BRAF: variants seen among roughly 807,000 people sequenced by gnomAD.
BRAF encodes the protein serine/threonine-protein kinase B-raf.
BRAF carries 16 observed loss-of-function variants against 104.6 expected under a neutral mutation model. That is an observed-to-expected ratio of 0.15 (90% CI 0.10 to 0.23). The LOEUF (loss-of-function observed/expected upper bound fraction) is 0.23, where lower values mean the gene tolerates loss of function less well. BRAF is among the 10% of genes least tolerant of loss of function. The pLI is 1.00. For synonymous variants in BRAF, 310 were observed against 341.6 expected (o/e 0.91, Z 1.02); for missense variants, 541 against 937.3 (o/e 0.58, Z 5.52).
intron 5 of BRAF, among the ~76,000 whole-genome samples, chr7:140,803,199 T>A (rs1245249587): frequency 6.6e-6 from 1 of 152,210 alleles, no homozygotes; most frequent in Non-Finnish European, 1.5e-5. Flanking sequence ...TTGATGCATT[T>A]CTCAGAACAT....
At chr7:140,879,174 G>A (rs1812595400) in intron 1 of BRAF, among the ~76,000 whole-genome samples, 1 of 151,794 alleles carries the variant, frequency 6.6e-6, no homozygotes, top group African/African-American at 2.4e-5. Context: ...CACCACGCCT[G>A]GCCATAATTT....
At chr7:140,767,335 T>C (rs1330035373) in intron 14 of BRAF, among the ~76,000 whole-genome samples, 3 of 151,744 alleles carry the variant, frequency 2.0e-5, no homozygotes, top group Non-Finnish European at 4.4e-5. Flanking sequence ...GAAAATTCAG[T>C]AGGAAAGGAA....
rs1429522839 is a variant in BRAF at position 140,782,960 on chromosome 7, A to C, written c.1434+61T>G. 7 of 1,569,720 alleles carry C rather than the reference A, an allele frequency of 4.5e-6. No individual in the cohort carries two copies. In the Admixed American group the frequency reaches 1.2e-4, roughly 26 times the overall value. ...TAATATATCTAAAGGATAATATTAC[A>C]TTTGGCTGTGACTTCTAAGAAGAAA... On this transcript the variant is annotated intron_variant, in intron 11 of 19. Coordinates refer to ENST00000644969, the MANE Select transcript of BRAF (RefSeq NM_001374258.1).
At chr7:140,799,779 G>C (rs934204703) in intron 7 of BRAF, 19 of 236,762 alleles carry the variant, frequency 8.0e-5, no homozygotes, top group African/African-American at 4.2e-4. Flanking sequence ...ATAAATTGTA[G>C]ATTATAATTA....
chr7:140,905,791 T>C (rs1157344430), intron 1 of BRAF, among the ~76,000 whole-genome samples: 3 of 152,172 alleles, frequency 2.0e-5, no homozygotes, highest in Non-Finnish European at 4.4e-5. Flanking sequence ...GAAGATAACT[T>C]AGAAATTAAA....
chr7:140,906,339 C>G (rs2129134722), intron 1 of BRAF, among the ~76,000 whole-genome samples: 1 of 152,016 alleles, frequency 6.6e-6, no homozygotes, highest in Middle Eastern at 3.4e-3. Context: ...GTAGCTGGGG[C>G]TATGGGCATG....
chr7:140,817,590 A>G lies in BRAF; in HGVS notation c.505-8595T>C, dbSNP rs1805010351. The stretch of plus-strand genomic sequence containing the variant: ...AAAACAGCATGGTACTGGCATAAAA[A>G]CAGACATATAGACCAATGGAACAGA... On this transcript the variant is annotated intron_variant, in intron 3 of 19. Coordinates refer to ENST00000644969, the MANE Select transcript of BRAF (RefSeq NM_001374258.1). Among the ~76,000 whole-genome samples, 3 of 152,242 alleles carry G rather than the reference A, an allele frequency of 2.0e-5. 1 individual carries two copies. The highest frequency in any genetic ancestry group is 4.4e-5 in the Non-Finnish European group (3 of 68,046).
chr7:140,800,270 T>C (rs2129043487), intron 7 of BRAF, 92 bp downstream of exon 7: 1 of 1,588,092 alleles, frequency 6.3e-7, no homozygotes, highest in East Asian at 2.2e-5. Flanking sequence ...AATTTAACAA[T>C]TTAAACATTG....
intron 17 of BRAF, among the ~76,000 whole-genome samples, chr7:140,742,438 C>G (rs2130914530): frequency 6.6e-6 from 1 of 152,126 alleles, no homozygotes; most frequent in East Asian, 1.9e-4. Flanking sequence ...AAGTGATCCA[C>G]CCGCCTCAGC....
At chr7:140,867,945 T>C (rs1231207842) in intron 1 of BRAF, among the ~76,000 whole-genome samples, 1 of 152,144 alleles carries the variant, frequency 6.6e-6, no homozygotes, top group Non-Finnish European at 1.5e-5. Flanking sequence ...AAGAGAAGCT[T>C]AAAATGCAAA....
chr7:140,837,977 T>C (rs1331321107), intron 2 of BRAF, among the ~76,000 whole-genome samples: 1 of 152,166 alleles, frequency 6.6e-6, no homozygotes, highest in African/African-American at 2.4e-5. Flanking sequence ...TTTTCTCTCA[T>C]ATCATCTACT....
chr7:140,919,277 C>G (rs78447313), intron 1 of BRAF, among the ~76,000 whole-genome samples: 2,657 of 152,186 alleles, frequency 0.017, 80 homozygotes, highest in African/African-American at 0.06. Flanking sequence ...TCAGGAACTG[C>G]AGCTACATTA....
At chr7:140,773,290 T>G (rs909363454) in intron 14 of BRAF, 3 of 152,228 alleles carry the variant, frequency 2.0e-5, no homozygotes, top group Middle Eastern at 3.2e-3. Context: ...GCTTTAAGCA[T>G]ACAGATGGGC....
In BRAF at chr7:140,723,035, C is replaced by G. The variant is rs1018133962; in HGVS notation, c.*3459G>C. ...TCATGTTCTAGAGCTCCTGACTTTT[C>G]ATATTTTAAAATAAATAACTATTCA... On this transcript the variant is annotated 3_prime_UTR_variant, in exon 20 of 20. Transcript: ENST00000644969. 2 of 1,051,796 alleles carry G rather than the reference C, an allele frequency of 1.9e-6. No homozygotes were observed. The highest frequency in any genetic ancestry group is 2.3e-6 in the Non-Finnish European group (2 of 870,850). The allele number at this position is 1,051,796 out of a possible 1,614,324, so 65.2% of individuals were successfully genotyped here. A position where few individuals can be genotyped will look rare whatever the true frequency, so the allele number is the denominator to read the frequency against.
chr7:140,860,453 A>AC (rs954974189), intron 1 of BRAF, among the ~76,000 whole-genome samples: 1 of 145,898 alleles, frequency 6.9e-6, no homozygotes, highest in African/African-American at 2.6e-5. Flanking sequence ...ACATAGCAAG[A>AC]CCCCATCTCT....
rs1466555981 is a variant in BRAF at position 140,720,892 on chromosome 7, T to C, written c.*5602A>G. The C allele has an allele frequency of 9.4e-6, 10 of 1,065,988 alleles. No homozygotes were observed. Among genetic ancestry groups the C allele is most frequent in the African/African-American group, 6.5e-5 (4 of 61,122 alleles). 66.0% of individuals were successfully genotyped at this position (1,065,988 alleles called of 1,614,324 possible). ...CAACAGACCCTTCCTTTGCGGCATC[T>C]CTTCACAAATTTTCTGCCAACTCTC... On this transcript the variant is annotated 3_prime_UTR_variant, in exon 20 of 20. Coordinates refer to ENST00000644969, the MANE Select transcript of BRAF (RefSeq NM_001374258.1).
intron 1 of BRAF, among the ~76,000 whole-genome samples, chr7:140,916,059 T>C (rs892553553): frequency 6.6e-6 from 1 of 152,196 alleles, no homozygotes; most frequent in African/African-American, 2.4e-5. Context: ...ACTGGAACGA[T>C]ACTCCTTGCA....
intron 14 of BRAF, among the ~76,000 whole-genome samples, chr7:140,767,557 G>A (rs1799451130): frequency 6.6e-6 from 1 of 152,152 alleles, no homozygotes. Context: ...CTGATTTCTT[G>A]AAGAAGAGGT....
At chr7:140,767,145 A>T in intron 14 of BRAF, among the ~76,000 whole-genome samples, 1 of 152,066 alleles carries the variant, frequency 6.6e-6, no homozygotes, top group East Asian at 1.9e-4. Flanking sequence ...CTGGGACCAC[A>T]GGCACAGACC....
Sources: gnomAD v4.1 joint callset for allele counts (sites outside exome capture counted in the v4.1 genomes callset) on GRCh38, gnomAD v4.1.1 for gene constraint, MANE v1.5 for transcripts, NCBI Gene and HGNC (gene_info 2026-07-23, HGNC 2026-07-21) for gene names.